DYNLT5: variants seen among roughly 807,000 people sequenced by gnomAD.
DYNLT5 encodes dynein light chain Tctex-type family member 5, also known as dynein light chain Tctex-type 5.
A neutral mutation model predicts 19.3 loss-of-function variants in DYNLT5; 25 were observed. The observed-to-expected ratio is 1.30, with a 90% CI of 0.95 to 1.81. The LOEUF is 1.81. DYNLT5 is among the 40% of genes most tolerant of loss of function. The pLI is 0.00. For synonymous variants in DYNLT5, 82 were observed against 68.9 expected (o/e 1.19, Z -0.94); for missense variants, 232 against 217.9 (o/e 1.06, Z -0.41).
intron 2 of DYNLT5, among the ~76,000 whole-genome samples, chr1:66,756,059 T>C (rs931093247): frequency 1.3e-5 from 2 of 152,192 alleles, no homozygotes; most frequent in African/African-American, 4.8e-5. Flanking sequence ...AATCAGAGTG[T>C]GGCTACATTT....
chr1:66,774,207 C>T (rs1034832556), intron 3 of DYNLT5, among the ~76,000 whole-genome samples: 3 of 152,082 alleles, frequency 2.0e-5, no homozygotes, highest in Non-Finnish European at 4.4e-5. Context: ...AAAAACATGT[C>T]CTCCAGCAGG....
intron 1 of DYNLT5, among the ~76,000 whole-genome samples, 190 bp downstream of exon 1, chr1:66,752,774 C>A (rs2094628393): frequency 6.6e-6 from 1 of 152,224 alleles, no homozygotes; most frequent in Admixed American, 6.5e-5. Context: ...CGGTTCGTCC[C>A]CTGCCCCATT....
intron 2 of DYNLT5, among the ~76,000 whole-genome samples, chr1:66,767,346 C>T (rs1645166142): frequency 2.0e-5 from 3 of 152,126 alleles, no homozygotes; most frequent in Admixed American, 6.5e-5. Flanking sequence ...CCTCTACCTT[C>T]CTTTCGAGCT....
At position 66,777,536 on chromosome 1, in the gene DYNLT5, A is replaced by G; in HGVS notation, c.*82A>G. ...TGTACACAAAAGTTTTACTGCCAAAAACTTTGAGAAAGAAACAACACTGAT... is the reference window on the plus strand; with the variant it reads ...TGTACACAAAAGTTTTACTGCCAAAGACTTTGAGAAAGAAACAACACTGAT... On this transcript the variant is annotated 3_prime_UTR_variant, in exon 5 of 5. Coordinates refer to ENST00000282670, the MANE Select transcript of DYNLT5 (RefSeq NM_152665.3). 8.2e-7 allele frequency: 1 copy of G among 1,214,766 alleles called. No homozygotes were observed. Among genetic ancestry groups the G allele is most frequent in the Non-Finnish European group, 1.1e-6 (1 of 876,984 alleles). The allele number at this position is 1,214,766 out of a possible 1,614,324, so 75.2% of individuals were successfully genotyped here. A position where few individuals can be genotyped will look rare whatever the true frequency, so the allele number is the denominator to read the frequency against.
intron 3 of DYNLT5, among the ~76,000 whole-genome samples, chr1:66,775,861 G>A (rs1459128517): frequency 6.6e-6 from 1 of 152,186 alleles, no homozygotes; most frequent in Admixed American, 6.5e-5. Context: ...CTGTGGTAGC[G>A]GGAGAAGGGG....
intron 3 of DYNLT5, among the ~76,000 whole-genome samples, chr1:66,771,132 T>A (rs1198775516): frequency 6.6e-6 from 1 of 152,226 alleles, no homozygotes; most frequent in Non-Finnish European, 1.5e-5. Context: ...AAAGACTCTA[T>A]GGGCCAAGGT....
chr1:66,754,675 A>G lies in DYNLT5; in HGVS notation c.17A>G (p.Asn6Ser). 6.2e-7 allele frequency: 1 copy of G among 1,610,856 alleles called. No individual in the cohort carries two copies. The highest frequency in any genetic ancestry group is 1.1e-5 in the South Asian group (1 of 90,212). ...CCATAGGTTATGATGATGTCAGACA[A>G]TGCTAAAGGCAGAGCAGCTCATTCA... MMMSDNAKGRAAHSWK... is the reference protein window; with the variant it reads MMMSDSAKGRAAHSWK... The change falls in exon 2 of 5, where the codon AAT (asparagine) becomes AGT (serine). Residue 6 changes from asparagine (N) to serine (S), a missense_variant. Transcript: ENST00000282670.
In DYNLT5 at chr1:66,777,946, A is replaced by G. The variant is rs1645246690; in HGVS notation, c.*492A>G. 1 of 153,132 alleles carries G rather than the reference A, an allele frequency of 6.5e-6. No individual in the cohort carries two copies. Among genetic ancestry groups the G allele is most frequent in the Admixed American group, 6.5e-5 (1 of 15,360 alleles). The allele number at this position is 153,132 out of a possible 1,614,324, so 9.5% of individuals were successfully genotyped here. On this transcript the variant is annotated 3_prime_UTR_variant, in exon 5 of 5. Transcript: ENST00000282670. ...GTACTTAATAAATTGAGCAGCATTC[A>G]TTAAGTGCAATTATTGTTACATGTA... is the stretch of plus-strand genomic sequence containing the variant.
At chr1:66,760,601 T>A (rs555356233) in intron 2 of DYNLT5, among the ~76,000 whole-genome samples, 1 of 152,218 alleles carries the variant, frequency 6.6e-6, no homozygotes, top group East Asian at 1.9e-4. Context: ...TGTGCATCTA[T>A]TTTTAAAAAA....
chr1:66,771,245 G>A (rs1645202891), intron 3 of DYNLT5, among the ~76,000 whole-genome samples: 1 of 152,180 alleles, frequency 6.6e-6, no homozygotes, highest in African/African-American at 2.4e-5. Flanking sequence ...AGACTACATG[G>A]ATTACACGGC....
chr1:66,765,435 C>T (rs2094653041), intron 2 of DYNLT5, among the ~76,000 whole-genome samples: 1 of 152,014 alleles, frequency 6.6e-6, no homozygotes, highest in South Asian at 2.1e-4. Context: ...GAAATGAGTT[C>T]TCAATAATAA....
intron 2 of DYNLT5, among the ~76,000 whole-genome samples, chr1:66,764,745 C>T (rs905460142): frequency 1.3e-5 from 2 of 152,206 alleles, no homozygotes; most frequent in African/African-American, 4.8e-5. Context: ...TTTGTAAACA[C>T]ACATTGTGTG....
chr1:66,763,142 T>C (rs1216399889), intron 2 of DYNLT5, among the ~76,000 whole-genome samples: 2 of 152,256 alleles, frequency 1.3e-5, no homozygotes, highest in East Asian at 1.9e-4. Context: ...ATCAGAGCTC[T>C]TGGGTGACCA....
chr1:66,757,180 T>C (rs1425767658), intron 2 of DYNLT5, among the ~76,000 whole-genome samples: 2 of 152,328 alleles, frequency 1.3e-5, no homozygotes, highest in Non-Finnish European at 1.5e-5. Context: ...AGAGTAAAGG[T>C]AGACCTCCTT....
chr1:66,767,597 T>G (rs1232884475), intron 2 of DYNLT5, among the ~76,000 whole-genome samples: 3 of 152,156 alleles, frequency 2.0e-5, no homozygotes, highest in Non-Finnish European at 4.4e-5. Context: ...AGCATCCCAC[T>G]TCCAGGTAGC....
chr1:66,777,238 T>C lies in DYNLT5; in HGVS notation c.337-13T>C, dbSNP rs749944858. ...TAGCTGAATGAAGACCCTCCCTTTT[T>C]TTAAATTTCTAGGTTATTAAAGCCC... is the stretch of plus-strand genomic sequence containing the variant. On this transcript the variant is annotated splice_polypyrimidine_tract_variant and intron_variant, in intron 4 of 4. Transcript: ENST00000282670. 9 of 1,602,156 alleles carry C rather than the reference T, an allele frequency of 5.6e-6. No individual in the cohort carries two copies. Among genetic ancestry groups the C allele is most frequent in the East Asian group, 2.2e-5 (1 of 44,626 alleles).
intron 1 of DYNLT5, among the ~76,000 whole-genome samples, chr1:66,754,452 A>G (rs964632735): frequency 1.3e-5 from 2 of 152,250 alleles, no homozygotes; most frequent in African/African-American, 2.4e-5. Context: ...TATTGCATAA[A>G]TAAGCATTTT....
At chr1:66,766,797 T>C (rs1356728663) in intron 2 of DYNLT5, among the ~76,000 whole-genome samples, 1 of 152,188 alleles carries the variant, frequency 6.6e-6, no homozygotes, top group African/African-American at 2.4e-5. Flanking sequence ...TTCCTATACT[T>C]TTTTATGATG....
chr1:66,766,829 A>T (rs886306419), intron 2 of DYNLT5, among the ~76,000 whole-genome samples: 2 of 152,214 alleles, frequency 1.3e-5, no homozygotes, highest in African/African-American at 2.4e-5. Flanking sequence ...ATTGATGCAC[A>T]GTCAGCCTTC....
Sources: allele counts gnomAD v4.1 joint callset (sites outside exome capture counted in the v4.1 genomes callset), GRCh38; gene constraint gnomAD v4.1.1; transcripts MANE v1.5; gene names NCBI Gene and HGNC (gene_info 2026-07-23, HGNC 2026-07-21).